PMS1: variants seen among roughly 807,000 people sequenced by gnomAD.
PMS1 encodes the protein PMS1 homolog 1, mismatch repair system component.
PMS1 carries 79 observed loss-of-function variants against 93.1 expected under a neutral mutation model. That is an observed-to-expected ratio of 0.85 (90% CI 0.71 to 1.02). The LOEUF (loss-of-function observed/expected upper bound fraction) is 1.02, where lower values mean the gene tolerates loss of function less well. Among genes scored for constraint, PMS1 ranks in the 50% least tolerant of loss-of-function variants. The pLI is 0.00. For missense variants in PMS1, 1,064 were observed against 1,085.3 expected (o/e 0.98, Z 0.28); for synonymous variants, 335 against 363.4 (o/e 0.92, Z 0.89).
At chr2:189,793,189 A>G (rs1361860966) in intron 2 of PMS1, among the ~76,000 whole-genome samples, 1 of 152,238 alleles carries the variant, frequency 6.6e-6, no homozygotes, top group Non-Finnish European at 1.5e-5. Flanking sequence ...AGCTAAGACT[A>G]GAATCCAGGT....
intron 3 of PMS1, among the ~76,000 whole-genome samples, chr2:189,800,850 A>C (rs1388177249): frequency 6.6e-6 from 1 of 152,212 alleles, no homozygotes; most frequent in Admixed American, 6.5e-5. Context: ...ATTAAGAAGA[A>C]AAATTAAGTT....
In PMS1 at chr2:189,854,647, A is replaced by G. The variant is rs2055128417; in HGVS notation, c.1375A>G (p.Ile459Val). Reference protein sequence around the residue: ...SQTEYSKTCFISSVKHTQSEN... With the variant: ...SQTEYSKTCFVSSVKHTQSEN... ...GACGGAATATAGTAAAACTTGTTTT[A>G]TAAGTTCCGTTAAGCACACCCAGTC... The change falls in exon 9 of 13, where the codon ATA becomes GTA. Residue 459 changes from isoleucine to valine, a missense_variant. Physicochemically the swap from Ile to Val is conservative, Grantham distance 29. Coordinates refer to ENST00000441310, the MANE Select transcript of PMS1 (RefSeq NM_000534.5). 1 of 1,614,010 alleles carries G rather than the reference A, an allele frequency of 6.2e-7. No individual in the cohort carries two copies. Among genetic ancestry groups the G allele is most frequent in the African/African-American group, 1.3e-5 (1 of 75,050 alleles).
rs2106212314 is a variant in PMS1 at position 189,791,781 on chromosome 2, A to G, written c.-20-9A>G. 6.2e-7 allele frequency: 1 copy of G among 1,610,990 alleles called. No homozygotes were observed. Among genetic ancestry groups the G allele is most frequent in the Middle Eastern group, 1.7e-4 (1 of 6,006 alleles). On this transcript the variant is annotated splice_polypyrimidine_tract_variant and intron_variant, in intron 1 of 12. Transcript: ENST00000441310. ...AACAATTCTTACAAGTTGCATTTTTATCTTCTAGCTGCTCTGTTAAAAGCG... is the reference window on the plus strand; with the variant it reads ...AACAATTCTTACAAGTTGCATTTTTGTCTTCTAGCTGCTCTGTTAAAAGCG...
intron 9 of PMS1, among the ~76,000 whole-genome samples, chr2:189,858,750 A>G (rs1196199890): frequency 6.6e-6 from 1 of 152,144 alleles, no homozygotes; most frequent in Non-Finnish European, 1.5e-5. Flanking sequence ...CCAGAACCTC[A>G]GATTCTAAGT....
At chr2:189,840,526 CT>C (rs951887564) in intron 5 of PMS1, among the ~76,000 whole-genome samples, 1 of 152,144 alleles carries the variant, frequency 6.6e-6, no homozygotes, top group African/African-American at 2.4e-5. Context: ...TACTTTATGT[CT>C]TTTTTCTTAT....
chr2:189,844,410 G>A (rs1352398081), intron 6 of PMS1, among the ~76,000 whole-genome samples: 3 of 152,070 alleles, frequency 2.0e-5, no homozygotes, highest in South Asian at 2.1e-4. Flanking sequence ...TTGGAAGTCC[G>A]GGGCAGGCAG....
intron 4 of PMS1, among the ~76,000 whole-genome samples, chr2:189,809,784 A>G (rs1401909331): frequency 1.3e-5 from 2 of 152,142 alleles, no homozygotes; most frequent in African/African-American, 4.8e-5. Flanking sequence ...GTGAGCCGAG[A>G]TTGTGCCATT....
At chr2:189,835,099 C>CT (rs2053272751) in intron 5 of PMS1, among the ~76,000 whole-genome samples, 1 of 152,152 alleles carries the variant, frequency 6.6e-6, no homozygotes, top group Admixed American at 6.5e-5. Flanking sequence ...TTATTCTTTT[C>CT]TTTATCTTTC....
chr2:189,784,466 C>A lies in PMS1; in HGVS notation c.-148C>A, dbSNP rs1355221296. Reference sequence around the variant, plus strand: ...GCGGGACTCAGTGCCGCGCTCTCTGCACCCGCTCTGCCGCGCGCGTGCGTG... The same window carrying A: ...GCGGGACTCAGTGCCGCGCTCTCTGAACCCGCTCTGCCGCGCGCGTGCGTG... On this transcript the variant is annotated 5_prime_UTR_variant, in exon 1 of 13. Transcript: ENST00000441310. The A allele has an allele frequency of 6.6e-6, 1 of 152,436 alleles. No individual in the cohort carries two copies. The highest frequency in any genetic ancestry group is 1.5e-5 in the Non-Finnish European group (1 of 68,190). 9.4% of individuals were successfully genotyped at this position (152,436 alleles called of 1,614,324 possible).
chr2:189,825,733 AAC>A (rs1323887138), intron 5 of PMS1, among the ~76,000 whole-genome samples: 5 of 152,244 alleles, frequency 3.3e-5, no homozygotes, highest in African/African-American at 1.2e-4. Flanking sequence ...AGAAGGTTTT[AAC>A]TGTTACGAAA....
intron 5 of PMS1, among the ~76,000 whole-genome samples, chr2:189,836,678 G>A (rs537048212): frequency 2.6e-5 from 4 of 152,204 alleles, no homozygotes; most frequent in Admixed American, 2.0e-4. Flanking sequence ...TTGGCAGACC[G>A]CTATTATTTA....
At chr2:189,826,909 C>G (rs2052481460) in intron 5 of PMS1, among the ~76,000 whole-genome samples, 1 of 152,152 alleles carries the variant, frequency 6.6e-6, no homozygotes, top group East Asian at 1.9e-4. Context: ...TCTGGCCTCT[C>G]TCAGACCTTA....
intron 4 of PMS1, among the ~76,000 whole-genome samples, chr2:189,809,381 T>C (rs1162050399): frequency 6.6e-6 from 1 of 150,470 alleles, no homozygotes; most frequent in Non-Finnish European, 1.5e-5. Context: ...TAAAACATGA[T>C]AGTATAATGG....
At chr2:189,796,001 T>G (rs370991717) in intron 3 of PMS1, 50 bp downstream of exon 3, 123 of 1,229,020 alleles carry the variant, frequency 1.0e-4, no homozygotes, top group Non-Finnish European at 1.6e-5. Context: ...CACTGAACAT[T>G]ACAGTTAAAA....
chr2:189,860,346 G>A (rs2055827437), intron 9 of PMS1, among the ~76,000 whole-genome samples: 1 of 151,884 alleles, frequency 6.6e-6, no homozygotes, highest in Non-Finnish European at 1.5e-5. Context: ...TTCATATCTG[G>A]CTTCTTAGGC....
chr2:189,840,139 A>C (rs2053701712), intron 5 of PMS1, among the ~76,000 whole-genome samples: 1 of 152,290 alleles, frequency 6.6e-6, no homozygotes, highest in Middle Eastern at 3.4e-3. Context: ...AGATAAACTA[A>C]ATTTAACAGT....
chr2:189,799,857 A>G (rs2049724821), intron 3 of PMS1, among the ~76,000 whole-genome samples: 1 of 152,200 alleles, frequency 6.6e-6, no homozygotes, highest in Non-Finnish European at 1.5e-5. Flanking sequence ...CCAGTTCAGG[A>G]CAACATTGCC....
chr2:189,815,502 A>T (rs1375359303), intron 4 of PMS1, among the ~76,000 whole-genome samples: 1 of 152,160 alleles, frequency 6.6e-6, no homozygotes, highest in South Asian at 2.1e-4. Context: ...AATGGTTTTT[A>T]TAAGTATTTG....
At position 189,854,606 on chromosome 2, in the gene PMS1, C is replaced by T. The variant is rs2055125095; in HGVS notation, c.1334C>T (p.Ser445Leu). The part of the protein sequence containing the change: ...AFQDISMSNV[S>L]WENSQTEYSK... ...CAGGACATTTCAATGAGTAATGTAT[C>T]ATGGGAGAACTCTCAGACGGAATAT... Residue 445 changes from serine (S) to leucine (L), a missense_variant, in exon 9 of 13, where the codon TCA (serine) becomes TTA (leucine). Transcript: ENST00000441310. 4.3e-6 allele frequency: 7 copies of T among 1,613,788 alleles called. No individual in the cohort carries two copies. The highest frequency in any genetic ancestry group is 4.0e-5 in the African/African-American group (3 of 75,006).
Sources: allele counts gnomAD v4.1 joint callset (sites outside exome capture counted in the v4.1 genomes callset), GRCh38; gene constraint gnomAD v4.1.1; transcripts MANE v1.5; gene names NCBI Gene and HGNC (gene_info 2026-07-23, HGNC 2026-07-21).